HHAT: variants seen among roughly 807,000 people sequenced by gnomAD.
HHAT encodes hedgehog acyltransferase.
A neutral mutation model predicts 70.8 loss-of-function variants in HHAT; 47 were observed. That is an observed-to-expected ratio of 0.66 (90% CI 0.53 to 0.85). The LOEUF is 0.85. Among genes scored for constraint, HHAT ranks in the 40% least tolerant of loss-of-function variants. The pLI, the probability that HHAT is intolerant of heterozygous loss-of-function variation, is 0.00. For missense variants in HHAT, 609 were observed against 604.8 expected (o/e 1.01, Z -0.07); for synonymous variants, 228 against 247.6 (o/e 0.92, Z 0.74).
intron 1 of HHAT, among the ~76,000 whole-genome samples, chr1:210,342,227 T>G (rs995337134): frequency 1.3e-5 from 2 of 152,180 alleles, no homozygotes; most frequent in Admixed American, 1.3e-4. Context: ...AAGGGGCTGC[T>G]TTGTAGAGCT....
intron 10 of HHAT, among the ~76,000 whole-genome samples, chr1:210,622,561 A>G (rs934844787): frequency 2.0e-5 from 3 of 152,226 alleles, no homozygotes; most frequent in African/African-American, 4.8e-5. Flanking sequence ...ATAAAGAGCT[A>G]GGAAGGACAA....
chr1:210,473,339 G>A (rs926798167), intron 8 of HHAT, among the ~76,000 whole-genome samples: 5 of 152,168 alleles, frequency 3.3e-5, no homozygotes, highest in African/African-American at 4.8e-5. Context: ...GAAGGGAAGA[G>A]AGTATAATGA....
intron 8 of HHAT, among the ~76,000 whole-genome samples, chr1:210,496,337 C>G (rs1208085156): frequency 6.6e-6 from 1 of 152,048 alleles, no homozygotes; most frequent in African/African-American, 2.4e-5. Context: ...TGGTTTCTAC[C>G]AGAACACATG....
intron 7 of HHAT, among the ~76,000 whole-genome samples, chr1:210,433,025 G>A (rs11119497): frequency 0.43 from 65,441 of 151,280 alleles, 14,612 homozygotes; most frequent in Admixed American, 0.53. Context: ...CAAAAGTTGC[G>A]GTTAAGTGTG....
chr1:210,544,391 T>G (rs184276013), intron 9 of HHAT, among the ~76,000 whole-genome samples: 4,771 of 98,904 alleles, frequency 0.048, 59 homozygotes, highest in East Asian at 0.19. Context: ...TTTTTTTTTT[T>G]GACACAGTTT....
At chr1:210,402,928 C>G (rs2092148031) in intron 5 of HHAT, among the ~76,000 whole-genome samples, 1 of 152,186 alleles carries the variant, frequency 6.6e-6, no homozygotes, top group South Asian at 2.1e-4. Flanking sequence ...TTCTATTCCC[C>G]ATCTCTTCCT....
intron 2 of HHAT, among the ~76,000 whole-genome samples, chr1:210,357,760 C>T (rs937943202): frequency 3.9e-5 from 6 of 152,110 alleles, no homozygotes; most frequent in Non-Finnish European, 7.4e-5. Flanking sequence ...GTGGAGCTTG[C>T]GGTGAGCCGA....
intron 9 of HHAT, among the ~76,000 whole-genome samples, chr1:210,584,999 G>GT (rs2148778540): frequency 6.6e-6 from 1 of 152,318 alleles, no homozygotes; most frequent in South Asian, 2.1e-4. Context: ...AGATGGTCCT[G>GT]TTTTTGCACA....
At chr1:210,526,937 C>G (rs561468372) in intron 9 of HHAT, among the ~76,000 whole-genome samples, 1 of 152,124 alleles carries the variant, frequency 6.6e-6, no homozygotes, top group Non-Finnish European at 1.5e-5. Flanking sequence ...GATGGGGACA[C>G]TAGGATAATA....
At chr1:210,461,869 G>C (rs191071227) in intron 7 of HHAT, among the ~76,000 whole-genome samples, 1 of 152,054 alleles carries the variant, frequency 6.6e-6, no homozygotes, top group Non-Finnish European at 1.5e-5. Context: ...TAGAGCACTT[G>C]TATGACTTCT....
chr1:210,461,522 G>T (rs559207443), intron 7 of HHAT, among the ~76,000 whole-genome samples: 1 of 151,926 alleles, frequency 6.6e-6, no homozygotes, highest in Admixed American at 6.6e-5. Context: ...GGATGGTCTC[G>T]ATCTCCTGGC....
intron 11 of HHAT, among the ~76,000 whole-genome samples, chr1:210,635,310 T>G (rs944843144): frequency 1.3e-5 from 2 of 152,176 alleles, no homozygotes; most frequent in African/African-American, 4.8e-5. Flanking sequence ...GTAAGCTGTT[T>G]GCACCAACAA....
intron 11 of HHAT, among the ~76,000 whole-genome samples, chr1:210,628,979 C>T (rs1449797968): frequency 1.3e-5 from 2 of 152,136 alleles, no homozygotes; most frequent in East Asian, 3.9e-4. Flanking sequence ...CTAGCCCTTC[C>T]CTCTAAGTGG....
intron 10 of HHAT, among the ~76,000 whole-genome samples, chr1:210,600,260 A>G (rs1287258693): frequency 1.3e-5 from 2 of 152,228 alleles, no homozygotes; most frequent in African/African-American, 2.4e-5. Context: ...AATTCCTGGC[A>G]CAGTGCCTTT....
intron 9 of HHAT, among the ~76,000 whole-genome samples, chr1:210,543,415 C>G (rs2095450946): frequency 1.3e-5 from 2 of 151,126 alleles, no homozygotes; most frequent in African/African-American, 4.9e-5. Context: ...TCTCTTCACT[C>G]TTTAAAAACT....
intron 9 of HHAT, among the ~76,000 whole-genome samples, chr1:210,556,051 T>C (rs989567089): frequency 6.6e-6 from 1 of 152,174 alleles, no homozygotes; most frequent in Non-Finnish European, 1.5e-5. Flanking sequence ...GAAAAAGTAT[T>C]TTGTGAGGAG....
At chr1:210,497,766 A>ATTT (rs574819096) in intron 8 of HHAT, among the ~76,000 whole-genome samples, 1 of 135,340 alleles carries the variant, frequency 7.4e-6, no homozygotes. Context: ...GCTGACTCTA[A>ATTT]TTTTTTTTTT....
chr1:210,582,433 T>C (rs535554694), intron 9 of HHAT, among the ~76,000 whole-genome samples: 214 of 152,266 alleles, frequency 1.4e-3, no homozygotes, highest in Non-Finnish European at 2.6e-3. Flanking sequence ...CAGTGTCTGG[T>C]GCTTCATCTT....
intron 3 of HHAT, among the ~76,000 whole-genome samples, chr1:210,382,203 T>G (rs1490611717): frequency 6.6e-6 from 1 of 152,200 alleles, no homozygotes; most frequent in Non-Finnish European, 1.5e-5. Flanking sequence ...TGTAACTTTC[T>G]TCCCTAGTGA....
Sources: allele counts gnomAD v4.1 joint callset (sites outside exome capture counted in the v4.1 genomes callset), GRCh38; gene constraint gnomAD v4.1.1; transcripts MANE v1.5; gene names NCBI Gene and HGNC (gene_info 2026-07-23, HGNC 2026-07-21).